Variants in ARHGAP39 observed in about 807,000 individuals in gnomAD.
The protein encoded by ARHGAP39 is rho GTPase-activating protein 39.
ARHGAP39 carries 44 observed loss-of-function variants against 106.9 expected under a neutral mutation model. The ratio of observed to expected loss-of-function variants is 0.41; its 90% CI spans 0.32 to 0.53. The LOEUF (loss-of-function observed/expected upper bound fraction) is 0.53. Among genes scored for constraint, ARHGAP39 ranks in the 20% least tolerant of loss-of-function variants. The probability of loss-of-function intolerance (pLI) is 0.21; values close to 1 mark genes in which losing one functional copy is unlikely to be tolerated. For missense variants in ARHGAP39, 1,496 were observed against 1,577.3 expected, an observed-to-expected ratio of 0.95 and a Z score of 0.87; for synonymous variants, 768 against 693.2, an observed-to-expected ratio of 1.11 and a Z score of -1.69.
rs1817506175 is a variant in ARHGAP39, at chr8:144,547,695, G to A, written c.1391C>T (p.Pro464Leu). ...GGCATCCTCCTGGGCCTGTGGCAGC[G>A]GCGTGGGCGGCTGGCTGTGCCGCAG... ...PELRHSQPPT[P>L]LPQAQEDAMS... Residue 464 changes from proline (P) to leucine (L), a missense_variant, in exon 5 of 12, where the codon CCG becomes CTG. By Grantham distance (98) the Pro-to-Leu change is moderately conservative (BLOSUM62 -3). Around this residue, in one of 4 missense-constraint regions of ARHGAP39, gnomAD observed 905 missense variants for 816.4 expected, o/e 1.11. Coordinates refer to ENST00000377307, the MANE Select transcript of ARHGAP39 (RefSeq NM_025251.3). This position sits in a 1 kb window ranked among gnomAD's most constrained non-coding sequence, Gnocchi z 5.2. The A allele has an allele frequency of 6.3e-7, 1 of 1,583,850 alleles. No homozygotes were observed. Among genetic ancestry groups the A allele is most frequent in the African/African-American group, 1.3e-5 (1 of 74,734 alleles).
Position 144,547,115 on chromosome 8 carries a change from T to C in ARHGAP39, c.1959+12A>G, listed in dbSNP as rs141407784. 3,911 of 1,570,482 alleles carry C rather than the reference T, an allele frequency of 2.5e-3. 8 individuals carry two copies. The highest frequency in any genetic ancestry group is 5.1e-3 in the African/African-American group (380 of 73,856). ...AGGCTCTCAAGCTCAGCCGCGCCCATTGGGCCCTCACCTGTGAGGGGTGGA... is the reference window on the plus strand; with the variant it reads ...AGGCTCTCAAGCTCAGCCGCGCCCACTGGGCCCTCACCTGTGAGGGGTGGA... On this transcript the variant is annotated intron_variant, in intron 5 of 11. Coordinates refer to ENST00000377307, the MANE Select transcript of ARHGAP39 (RefSeq NM_025251.3). The surrounding 1 kb of genome is among the most constrained non-coding windows in gnomAD (Gnocchi z 5.2).
Position 144,548,282 on chromosome 8 carries a change from T to C in ARHGAP39, c.804A>G (p.Pro268=). ...TCAGGAAGGGTGACGGCCTCCTCTC[T>C]GGGAAGAAGATGGTGCCGTCAGCCT... ...APEADGTIFF[P]ERRPSPFLKR... is the part of the protein sequence containing the mutation. Residue 268 remains proline (P), a synonymous_variant, in exon 5 of 12, where the codon CCA becomes CCG. Transcript: ENST00000377307. The surrounding 1 kb of genome is among the most constrained non-coding windows in gnomAD (Gnocchi z 7.4). 4.4e-6 allele frequency: 7 copies of C among 1,609,032 alleles called. No homozygotes were observed. Among genetic ancestry groups the C allele is most frequent in the Non-Finnish European group, 5.9e-6 (7 of 1,177,766 alleles).
At chr8:144,535,309 G>A (rs1440900478) in intron 7 of ARHGAP39, among the ~76,000 whole-genome samples, 2 of 152,208 alleles carry the variant, frequency 1.3e-5, no homozygotes, top group Non-Finnish European at 1.5e-5. Flanking sequence ...CTCTTTTTTA[G>A]AGGAACCAAA....
chr8:144,627,664 G>T (rs1820960364), intron 1 of ARHGAP39, among the ~76,000 whole-genome samples: 1 of 152,104 alleles, frequency 6.6e-6, no homozygotes, highest in Non-Finnish European at 1.5e-5. Context: ...AGGCTGAGGT[G>T]GGAGGATCAC....
intron 6 of ARHGAP39, among the ~76,000 whole-genome samples, chr8:144,540,437 A>G (rs1817143117): frequency 6.6e-6 from 1 of 152,248 alleles, no homozygotes; most frequent in Non-Finnish European, 1.5e-5. Flanking sequence ...CCTGTCTCTA[A>G]ATAAATAAAT....
chr8:144,548,869 GT>G lies in ARHGAP39; in HGVS notation c.597-381del, dbSNP rs1183046622. Among the ~76,000 whole-genome samples the G allele has an allele frequency of 2.0e-5, 3 of 152,242 alleles. No homozygotes were observed. The highest frequency in any genetic ancestry group is 2.0e-4 in the Admixed American group (3 of 15,288). On this transcript the variant is annotated intron_variant, in intron 4 of 11. Transcript: ENST00000377307. This position sits in a 1 kb window ranked among gnomAD's most constrained non-coding sequence, Gnocchi z 7.4. ...CTGGGCCCTGTGTTCCTGCTGAGCA[GT>G]GGCGTTGGACCCGTCCCAGTGGTCC...
At chr8:144,652,220 A>AAAAT (rs531719449) in intron 1 of ARHGAP39, among the ~76,000 whole-genome samples, 2,030 of 152,100 alleles carry the variant, frequency 0.013, 30 homozygotes, top group Non-Finnish European at 0.022. Flanking sequence ...CCCCGTCTCA[A>AAAAT]AAATAAATAA....
intron 1 of ARHGAP39, among the ~76,000 whole-genome samples, chr8:144,611,923 C>T (rs956557430): frequency 4.0e-5 from 6 of 151,522 alleles, no homozygotes; most frequent in Non-Finnish European, 2.9e-5. Context: ...GCAGGAGAAT[C>T]GCCTGAATCT....
chr8:144,687,133 G>A (rs577171826), upstream of ARHGAP39, among the ~76,000 whole-genome samples: 36 of 504 alleles, frequency 0.071, 6 homozygotes, highest in East Asian at 0.14. Flanking sequence ...CCGTGACCAC[G>A]CACTGGCGGC....
chr8:144,658,484 A>AGGCT (rs888301451), intron 1 of ARHGAP39, among the ~76,000 whole-genome samples: 46 of 152,216 alleles, frequency 3.0e-4, no homozygotes, highest in Admixed American at 1.6e-3. Flanking sequence ...CATGTTGGTC[A>AGGCT]GGCTGGTCTC....
chr8:144,595,084 C>T (rs1392244348), intron 2 of ARHGAP39, among the ~76,000 whole-genome samples: 1 of 152,198 alleles, frequency 6.6e-6, no homozygotes, highest in East Asian at 1.9e-4. Context: ...AGCAATTCCA[C>T]AACTAGGTAT....
intron 1 of ARHGAP39, among the ~76,000 whole-genome samples, chr8:144,655,141 G>C (rs1344476610): frequency 6.6e-6 from 1 of 152,142 alleles, no homozygotes; most frequent in Non-Finnish European, 1.5e-5. Flanking sequence ...GAGTGGAAGG[G>C]GGCAGGTCCC....
chr8:144,648,426 T>C lies in ARHGAP39; in HGVS notation c.-82+37260A>G, dbSNP rs77031597. ...TCCCACAAGGAAACAAGAGCTGAAGTTGTATCCAATTGCAGCACTCACAGA... is the reference window on the plus strand; with the variant it reads ...TCCCACAAGGAAACAAGAGCTGAAGCTGTATCCAATTGCAGCACTCACAGA... On this transcript the variant is annotated intron_variant, in intron 1 of 11. Transcript: ENST00000377307. 0.022 allele frequency among the ~76,000 whole-genome samples: 3,426 copies of C among 152,272 alleles called. 222 individuals carry two copies. The East Asian group carries it at 0.25, about 11-fold the overall frequency.
intron 6 of ARHGAP39, 128 bp downstream of exon 6, chr8:144,545,119 GGA>G: frequency 3.6e-6 from 3 of 835,910 alleles, no homozygotes; most frequent in Non-Finnish European, 5.0e-6. Context: ...GGGCGTTTTG[GGA>G]GGTGTGTGTC....
At chr8:144,568,169 CA>C (rs533931688) in intron 3 of ARHGAP39, among the ~76,000 whole-genome samples, 1 of 150,910 alleles carries the variant, frequency 6.6e-6, no homozygotes, top group Non-Finnish European at 1.5e-5. Flanking sequence ...TCGTCTTTGC[CA>C]AAAAAATACA....
At position 144,647,185 on chromosome 8, in the gene ARHGAP39, T is replaced by C. The variant is rs1289890605; in HGVS notation, c.-82+38501A>G. The stretch of plus-strand genomic sequence containing the variant: ...GGTTTCACCATGTTAGCCAGGATGG[T>C]CTTGATCTCTTGACCTCATGATCCG... On this transcript the variant is annotated intron_variant, in intron 1 of 11. Coordinates refer to ENST00000377307, the MANE Select transcript of ARHGAP39 (RefSeq NM_025251.3). This position sits in a 1 kb window ranked among gnomAD's most constrained non-coding sequence, Gnocchi z 4.8. Among the ~76,000 whole-genome samples, 1 of 151,974 alleles carries C rather than the reference T, an allele frequency of 6.6e-6. No homozygotes were observed. Among genetic ancestry groups the C allele is most frequent in the Non-Finnish European group, 1.5e-5 (1 of 68,000 alleles).
chr8:144,662,088 T>C (rs1343187389), intron 1 of ARHGAP39, among the ~76,000 whole-genome samples: 5 of 149,862 alleles, frequency 3.3e-5, no homozygotes, highest in Non-Finnish European at 1.5e-5. Flanking sequence ...ATTATCTGCC[T>C]TGGCTTGCTC....
At chr8:144,637,238 C>T (rs1026894426) in intron 1 of ARHGAP39, among the ~76,000 whole-genome samples, 2 of 152,188 alleles carry the variant, frequency 1.3e-5, no homozygotes, top group Non-Finnish European at 2.9e-5. Flanking sequence ...CAAATTTTTG[C>T]TCTATTTTCT....
chr8:144,600,171 G>A (rs571528947), intron 2 of ARHGAP39, among the ~76,000 whole-genome samples: 69 of 151,856 alleles, frequency 4.5e-4, no homozygotes, highest in Non-Finnish European at 8.8e-4. Flanking sequence ...GCGTGGAGGC[G>A]TGTGTGCGCA....
Sources: gnomAD v4.1 joint callset for allele counts (sites outside exome capture counted in the v4.1 genomes callset) on GRCh38, gnomAD v4.1.1 for gene constraint, gnomAD v4.1.1 regional missense constraint, Gnocchi (gnomAD v3.1) non-coding constraint, MANE v1.5 for transcripts, NCBI Gene and HGNC (gene_info 2026-07-23, HGNC 2026-07-21) for gene names.